PTPN11: variants seen among roughly 807,000 people sequenced by gnomAD.
The protein encoded by PTPN11 is protein tyrosine phosphatase non-receptor type 11.
Under a neutral mutation model 78.8 loss-of-function variants are expected in PTPN11, and 6 were observed. The ratio of observed to expected loss-of-function variants is 0.08; its 90% CI spans 0.04 to 0.15. The LOEUF (loss-of-function observed/expected upper bound fraction) is 0.15, where lower values mean the gene tolerates loss of function less well. Ranked by LOEUF, PTPN11 falls within the 10% of genes least tolerant of loss-of-function variation. The probability of loss-of-function intolerance (pLI) is 1.00; values close to 1 mark genes in which losing one functional copy is unlikely to be tolerated. For synonymous variants in PTPN11, 221 were observed against 263.5 expected (o/e 0.84, Z 1.56); for missense variants, 386 against 744.8 (o/e 0.52, Z 5.61).
At chr12:112,471,454 AAGAGAGAG>A (rs56070053) in intron 6 of PTPN11, among the ~76,000 whole-genome samples, 42 of 126,354 alleles carry the variant, frequency 3.3e-4, no homozygotes, top group South Asian at 5.4e-4. Context: ...GATAAACAGA[AAGAGAGAG>A]AGAGAGAGAG....
chr12:112,495,724 C>G (rs1285757688), intron 13 of PTPN11, among the ~76,000 whole-genome samples: 1 of 152,154 alleles, frequency 6.6e-6, no homozygotes, highest in Non-Finnish European at 1.5e-5. Flanking sequence ...TTAGCCTAGC[C>G]TGCCTTGAAC....
intron 1 of PTPN11, chr12:112,428,914 AT>A (rs2037666662): frequency 6.6e-6 from 1 of 152,114 alleles, no homozygotes; most frequent in South Asian, 2.1e-4. Context: ...CGCCAGGCTA[AT>A]TTTGTATTTT....
chr12:112,453,461 C>A, intron 4 of PTPN11, 74 bp downstream of exon 4: 1 of 1,153,256 alleles, frequency 8.7e-7, no homozygotes, highest in Non-Finnish European at 1.3e-6. Context: ...AGAAGACAGA[C>A]ACCATTACAT....
intron 1 of PTPN11, among the ~76,000 whole-genome samples, chr12:112,426,933 G>A (rs2037624898): frequency 6.6e-6 from 1 of 152,074 alleles, no homozygotes; most frequent in Non-Finnish European, 1.5e-5. Flanking sequence ...CACTGCACCT[G>A]GCCAGCGATC....
chr12:112,488,420 G>C (rs757361438), intron 11 of PTPN11, 23 bp from the exon 12 acceptor site: 2 of 1,593,428 alleles, frequency 1.3e-6, no homozygotes, highest in Non-Finnish European at 1.7e-6. Context: ...TGTTGTCCCT[G>C]CTTTTTGTCC....
intron 13 of PTPN11, among the ~76,000 whole-genome samples, 189 bp from the exon 14 acceptor site, chr12:112,501,955 C>T (rs541919947): frequency 6.6e-6 from 1 of 152,278 alleles, no homozygotes; most frequent in African/African-American, 2.4e-5. Flanking sequence ...CTTTTCACTC[C>T]TACTGTGTAT....
intron 1 of PTPN11, among the ~76,000 whole-genome samples, chr12:112,425,139 C>T (rs1167433794): frequency 1.3e-5 from 2 of 151,966 alleles, no homozygotes; most frequent in South Asian, 2.1e-4. Context: ...CAGACGTGAG[C>T]CACTGTGCCC....
intron 3 of PTPN11, among the ~76,000 whole-genome samples, chr12:112,451,853 C>G (rs893500713): frequency 6.6e-6 from 1 of 152,142 alleles, no homozygotes. Flanking sequence ...TTTTCTGTCT[C>G]TGTTACAACT....
chr12:112,425,275 T>C (rs1307362881), intron 1 of PTPN11, among the ~76,000 whole-genome samples: 2 of 152,088 alleles, frequency 1.3e-5, no homozygotes, highest in Non-Finnish European at 1.5e-5. Flanking sequence ...TGAAATACAG[T>C]GTAGCATGCA....
At chr12:112,493,241 T>C (rs183173920) in intron 13 of PTPN11, among the ~76,000 whole-genome samples, 243 of 152,232 alleles carry the variant, frequency 1.6e-3, no homozygotes, top group Non-Finnish European at 2.6e-3. Flanking sequence ...GTATTTTTAG[T>C]AGAGGTGGGG....
In PTPN11 at chr12:112,460,710, T is replaced by C. The variant is rs550647006; in HGVS notation, c.756+4647T>C. ...TACAAAAATTAGCTGGGCGTGGTAG[T>C]GCGTGCCTGTAGTCCCAGCTACTCG... is the stretch of plus-strand genomic sequence containing the variant. On this transcript the variant is annotated intron_variant, in intron 6 of 15. Coordinates refer to ENST00000351677, the MANE Select transcript of PTPN11 (RefSeq NM_002834.5). 9.2e-5 allele frequency among the ~76,000 whole-genome samples: 14 copies of C among 152,160 alleles called. No individual in the cohort carries two copies. The East Asian group carries it at 1.4e-3, about 15-fold the overall frequency.
In PTPN11 at chr12:112,489,752, C is replaced by G. The variant is rs141929547; in HGVS notation, c.1599+577C>G. 3.9e-4 allele frequency among the ~76,000 whole-genome samples: 59 copies of G among 152,260 alleles called. 1 individual carries two copies. The highest frequency in any genetic ancestry group is 7.4e-4 in the Non-Finnish European group (50 of 68,012). ...GATGAAGGAAATGAGGAGAGCTGCTCTTTTGGGGGCTGTGCTTCTCTCCCC... is the reference window on the plus strand; with the variant it reads ...GATGAAGGAAATGAGGAGAGCTGCTGTTTTGGGGGCTGTGCTTCTCTCCCC... On this transcript the variant is annotated intron_variant, in intron 13 of 15. Coordinates refer to ENST00000351677, the MANE Select transcript of PTPN11 (RefSeq NM_002834.5).
At chr12:112,421,009 G>C (rs914056504) in intron 1 of PTPN11, among the ~76,000 whole-genome samples, 8 of 152,122 alleles carry the variant, frequency 5.3e-5, no homozygotes, top group African/African-American at 1.7e-4. Context: ...AAAAGGTCTG[G>C]GTAGTAATAG....
intron 7 of PTPN11, 86 bp from the exon 8 acceptor site, chr12:112,477,565 G>T: frequency 9.7e-7 from 1 of 1,033,216 alleles, no homozygotes; most frequent in Non-Finnish European, 1.5e-6. Context: ...AACAAAACTT[G>T]GACTAGGCTG....
At chr12:112,486,818 G>T (rs568340444) in intron 11 of PTPN11, 189 bp downstream of exon 11, 3 of 1,454,018 alleles carry the variant, frequency 2.1e-6, no homozygotes, top group Non-Finnish European at 2.7e-6. Flanking sequence ...CTACAGCACT[G>T]CCATTGGCCA....
At chr12:112,440,238 G>A (rs933050297) in intron 1 of PTPN11, among the ~76,000 whole-genome samples, 1 of 152,114 alleles carries the variant, frequency 6.6e-6, no homozygotes, top group Non-Finnish European at 1.5e-5. Flanking sequence ...CATAAATTGA[G>A]GTTGACGTTT....
rs753683974 is a variant in PTPN11, at chr12:112,477,633, G to C, written c.854-18G>C. 8 of 1,590,682 alleles carry C rather than the reference G, an allele frequency of 5.0e-6. No individual in the cohort carries two copies. The African/African-American group carries it at 9.4e-5, about 19-fold the overall frequency. ...AGCAGTCCAGGACTTATGTGACCGTGGTCTCTTTTTCTTCTAGTTGATCAT... is the reference window on the plus strand; with the variant it reads ...AGCAGTCCAGGACTTATGTGACCGTCGTCTCTTTTTCTTCTAGTTGATCAT... On this transcript the variant is annotated intron_variant, in intron 7 of 15. Transcript: ENST00000351677.
At position 112,465,193 on chromosome 12, in the gene PTPN11, A is replaced by G. The variant is rs150581260; in HGVS notation, c.757-7751A>G. On this transcript the variant is annotated intron_variant, in intron 6 of 15. Coordinates refer to ENST00000351677, the MANE Select transcript of PTPN11 (RefSeq NM_002834.5). Reference sequence around the variant, plus strand: ...ACACCTGTAATCCCAGCAATTTGGGAGGCTGAGGCAGCTGGATTACCTGAG... The same window carrying G: ...ACACCTGTAATCCCAGCAATTTGGGGGGCTGAGGCAGCTGGATTACCTGAG... 7.4e-3 allele frequency among the ~76,000 whole-genome samples: 1,122 copies of G among 152,178 alleles called. 12 individuals carry two copies. The highest frequency in any genetic ancestry group is 0.026 in the African/African-American group (1,083 of 41,506).
In PTPN11 at chr12:112,487,817, T is replaced by A. The variant is rs535218055; in HGVS notation, c.1380-626T>A. Among the ~76,000 whole-genome samples, 24 of 152,324 alleles carry A rather than the reference T, an allele frequency of 1.6e-4. No individual in the cohort carries two copies. The South Asian group carries it at 4.8e-3, about 30-fold the overall frequency. ...ATTATTTTTTGAGACAGAGTCTCAC[T>A]CTGTCACCCAGGCTAGAGTGCAATT... On this transcript the variant is annotated intron_variant, in intron 11 of 15. Coordinates refer to ENST00000351677, the MANE Select transcript of PTPN11 (RefSeq NM_002834.5).
Sources: allele counts gnomAD v4.1 joint callset (sites outside exome capture counted in the v4.1 genomes callset), GRCh38; gene constraint gnomAD v4.1.1; transcripts MANE v1.5; gene names NCBI Gene and HGNC (gene_info 2026-07-23, HGNC 2026-07-21).